DNAH11: variants seen among roughly 807,000 people sequenced by gnomAD.
DNAH11 encodes the protein axonemal beta dynein heavy chain 11.
Under a neutral mutation model 526.0 loss-of-function variants are expected in DNAH11, and 442 were observed. The ratio of observed to expected loss-of-function variants is 0.84; its 90% confidence interval spans 0.78 to 0.91. The LOEUF (loss-of-function observed/expected upper bound fraction) is 0.91, where lower values mean the gene tolerates loss of function less well. Ranked by LOEUF, DNAH11 falls within the 40% of genes least tolerant of loss-of-function variation. The probability of loss-of-function intolerance (pLI) is 0.00; values close to 1 mark genes in which losing one functional copy is unlikely to be tolerated. For missense variants in DNAH11, 6,989 were observed against 5,448.7 expected (o/e 1.28, Z -8.90); for synonymous variants, 2,461 against 1,935.9 (o/e 1.27, Z -7.12).
intron 25 of DNAH11, among the ~76,000 whole-genome samples, chr7:21,622,269 G>A (rs1385764158): frequency 6.6e-6 from 1 of 152,144 alleles, no homozygotes; most frequent in African/African-American, 2.4e-5. Context: ...CAAGGGATGT[G>A]AAGGACCTCT....
chr7:21,597,186 C>T (rs1194568123), intron 14 of DNAH11, among the ~76,000 whole-genome samples: 1 of 152,114 alleles, frequency 6.6e-6, no homozygotes, highest in Non-Finnish European at 1.5e-5. Flanking sequence ...CTTTCGCTCC[C>T]TTTATCCGAA....
intron 27 of DNAH11, among the ~76,000 whole-genome samples, chr7:21,638,377 G>A (rs79254883): frequency 0.062 from 9,505 of 152,162 alleles, 570 homozygotes; most frequent in Admixed American, 0.19. Flanking sequence ...TTTCAGTTGA[G>A]TAATGCTCTT....
At chr7:21,564,738 ATAAAAGCCTTT>A (rs1783593404) in intron 6 of DNAH11, among the ~76,000 whole-genome samples, 1 of 152,192 alleles carries the variant, frequency 6.6e-6, no homozygotes, top group Non-Finnish European at 1.5e-5. Context: ...ACACTGGCTG[ATAAAAGCCTTT>A]TGGAAAGTGT....
intron 25 of DNAH11, among the ~76,000 whole-genome samples, chr7:21,633,857 G>A (rs910223155): frequency 1.2e-4 from 19 of 152,300 alleles, no homozygotes; most frequent in African/African-American, 4.6e-4. Context: ...TTTAGGCAAT[G>A]AGGACAATAT....
At chr7:21,719,015 A>G (rs1784777358) in intron 43 of DNAH11, among the ~76,000 whole-genome samples, 1 of 152,192 alleles carries the variant, frequency 6.6e-6, no homozygotes, top group South Asian at 2.1e-4. Flanking sequence ...ACTTGCAAAA[A>G]AGCATTATCG....
chr7:21,739,493 G>C (rs768107821), intron 47 of DNAH11, 78 bp from the exon 48 acceptor site: 300 of 1,025,602 alleles, frequency 2.9e-4, no homozygotes, highest in Non-Finnish European at 4.2e-4. Context: ...CTGCGATGAA[G>C]ACCTTTATGA....
chr7:21,897,575 G>A (rs1784566842), intron 79 of DNAH11, among the ~76,000 whole-genome samples: 1 of 152,072 alleles, frequency 6.6e-6, no homozygotes, highest in African/African-American at 2.4e-5. Flanking sequence ...GCCCTTGATT[G>A]TATAGATTCA....
rs769423739 is a variant in DNAH11, at chr7:21,801,296, C to G, written c.10165+21C>G. 5 of 1,613,108 alleles carry G rather than the reference C, an allele frequency of 3.1e-6. No individual in the cohort carries two copies. In the South Asian group the frequency reaches 4.4e-5, roughly 14 times the overall value. On this transcript the variant is annotated intron_variant, in intron 62 of 81. Coordinates refer to ENST00000409508, the MANE Select transcript of DNAH11 (RefSeq NM_001277115.2). ...GGCAAGTTAAACCTTTTCTTCCAAA[C>G]ATTCTAACTAAAATGTTCAGATCAG...
chr7:21,718,240 A>G (rs1220544558), intron 43 of DNAH11, among the ~76,000 whole-genome samples: 3 of 152,042 alleles, frequency 2.0e-5, no homozygotes, highest in Non-Finnish European at 4.4e-5. Flanking sequence ...GGTGCCAGAT[A>G]TGTGTTTGTT....
chr7:21,710,102 T>C (rs749341906), intron 40 of DNAH11, among the ~76,000 whole-genome samples: 3 of 152,216 alleles, frequency 2.0e-5, no homozygotes, highest in Non-Finnish European at 4.4e-5. Flanking sequence ...ATGGTGCTTC[T>C]GAATGCTTTA....
At chr7:21,606,577 G>A (rs1315555039) in intron 19 of DNAH11, 35 bp downstream of exon 19, 3 of 1,496,496 alleles carry the variant, frequency 2.0e-6, no homozygotes, top group South Asian at 1.3e-5. Context: ...TTTAAGAAAG[G>A]TTTTACTAGG....
At chr7:21,771,183 C>T (rs552374731) in intron 55 of DNAH11, among the ~76,000 whole-genome samples, 1 of 152,262 alleles carries the variant, frequency 6.6e-6, no homozygotes, top group African/African-American at 2.4e-5. Flanking sequence ...TTTCACCTGC[C>T]CCTTTCTCTT....
intron 69 of DNAH11, among the ~76,000 whole-genome samples, chr7:21,863,681 A>G (rs1056618744): frequency 3.0e-4 from 46 of 152,226 alleles, no homozygotes; most frequent in African/African-American, 9.4e-4. Context: ...ATGAACATCT[A>G]TTTAAAACTT....
chr7:21,558,470 C>T (rs574702634), intron 2 of DNAH11, among the ~76,000 whole-genome samples: 50 of 152,306 alleles, frequency 3.3e-4, no homozygotes, highest in African/African-American at 1.2e-3. Flanking sequence ...ATTAATGTGC[C>T]TGCCAGTGTG....
chr7:21,756,972 C>T (rs1786665794), intron 54 of DNAH11, among the ~76,000 whole-genome samples: 1 of 152,104 alleles, frequency 6.6e-6, no homozygotes. Flanking sequence ...GTTCTTTTCT[C>T]AATATTTTAC....
chr7:21,830,351 G>T (rs1041151510), intron 65 of DNAH11, among the ~76,000 whole-genome samples: 13 of 152,088 alleles, frequency 8.5e-5, no homozygotes, highest in African/African-American at 3.1e-4. Flanking sequence ...TTGATACTTC[G>T]GTAGTTGTTG....
At chr7:21,592,689 G>T (rs1784731890) in intron 14 of DNAH11, among the ~76,000 whole-genome samples, 1 of 152,210 alleles carries the variant, frequency 6.6e-6, no homozygotes, top group Admixed American at 6.5e-5. Context: ...GCTGCCTTGG[G>T]TCATAGTGCT....
At chr7:21,793,060 C>T (rs146250772) in intron 61 of DNAH11, among the ~76,000 whole-genome samples, 189 of 152,052 alleles carry the variant, frequency 1.2e-3, no homozygotes, top group African/African-American at 3.9e-3. Flanking sequence ...TTCCATAGAC[C>T]GAATATATTA....
intron 25 of DNAH11, among the ~76,000 whole-genome samples, chr7:21,627,627 A>G (rs1481020808): frequency 1.3e-5 from 2 of 151,934 alleles, no homozygotes; most frequent in African/African-American, 4.8e-5. Flanking sequence ...ATTCTGTTCC[A>G]TTGGTCTCTG....
Sources: allele counts gnomAD v4.1 joint callset (sites outside exome capture counted in the v4.1 genomes callset), GRCh38; gene constraint gnomAD v4.1.1; transcripts MANE v1.5; gene names NCBI Gene and HGNC (gene_info 2026-07-23, HGNC 2026-07-21).